CLN3: variants seen among roughly 807,000 people sequenced by gnomAD.
CLN3 encodes the protein battenin.
In CLN3, 49 loss-of-function variants were observed where a neutral mutation model predicts 60.7. That is an observed-to-expected ratio of 0.81 (90% CI 0.64 to 1.02). The LOEUF (loss-of-function observed/expected upper bound fraction) is 1.02. Ranked by LOEUF, CLN3 falls within the 50% of genes least tolerant of loss-of-function variation. The pLI is 0.00. For missense variants in CLN3, 516 were observed against 557.4 expected, an observed-to-expected ratio of 0.93 and a Z score of 0.75; for synonymous variants, 256 against 245.8, an observed-to-expected ratio of 1.04 and a Z score of -0.39.
Position 28,482,654 on chromosome 16 carries a change from G to A in CLN3, c.809C>T (p.Ser270Phe). The A allele has an allele frequency of 6.2e-7, 1 of 1,614,212 alleles. No homozygotes were observed. Among genetic ancestry groups the A allele is most frequent in the African/African-American group, 1.3e-5 (1 of 75,058 alleles). Reference sequence around the variant, plus strand: ...GAACACTGTCCACCTTTCCCGAAGGGAGAGGCTGGAGCTGGAGCCTGCAGG... The same window carrying A: ...GAACACTGTCCACCTTTCCCGAAGGAAGAGGCTGGAGCTGGAGCCTGCAGG... Reference protein sequence around the residue: ...ESKPGSSSSLSLRERWTVFKG... With the variant: ...ESKPGSSSSLFLRERWTVFKG... Residue 270 changes from serine to phenylalanine, a missense_variant, in exon 11 of 16, where the codon TCC becomes TTC. Transcript: ENST00000636147.
In CLN3 at chr16:28,482,136, A is replaced by T. The variant is rs746211816; in HGVS notation, c.1025T>A (p.Ile342Asn). The T allele has an allele frequency of 6.2e-7, 1 of 1,613,690 alleles. No individual in the cohort carries two copies. The highest frequency in any genetic ancestry group is 1.1e-5 in the South Asian group (1 of 90,958). The change falls in exon 14 of 16, where the codon ATC (isoleucine) becomes AAC (asparagine). Residue 342 changes from isoleucine (I) to asparagine (N), a missense_variant. Transcript: ENST00000636147. Reference protein sequence around the residue: ...ASRSSLRCCRIRFTWALALLQ... With the variant: ...ASRSSLRCCRNRFTWALALLQ... Reference sequence around the variant, plus strand: ...CAGGGCCAGGGCCCAGGTGAAACGGATGCGACAGCAGCGGAGAGAAGAGCG... The same window carrying T: ...CAGGGCCAGGGCCCAGGTGAAACGGTTGCGACAGCAGCGGAGAGAAGAGCG...
rs1320579074 is a variant in CLN3, at chr16:28,492,020, C to CT, written c.-78dup. On this transcript the variant is annotated splice_region_variant and 5_prime_UTR_variant, in exon 1 of 16. Coordinates refer to ENST00000636147, the MANE Select transcript of CLN3 (RefSeq NM_001042432.2). ...ACAGCAGGGACCCTGAGGCCTGTAC[C>CT]TTTAAGAGCAGCAGAATGTTCTGCA... 1.0e-5 allele frequency: 6 copies of CT among 593,738 alleles called. No homozygotes were observed. The highest frequency in any genetic ancestry group is 1.8e-5 in the Non-Finnish European group (6 of 333,124). The allele number at this position is 593,738 out of a possible 1,614,324, so 36.8% of individuals were successfully genotyped here. A position where few individuals can be genotyped will look rare whatever the true frequency, so the allele number is the denominator to read the frequency against.
Position 28,477,767 on chromosome 16 carries a change from G to A in CLN3, c.1167C>T (p.Tyr389=), listed in dbSNP as rs371025471. The stretch of plus-strand genomic sequence containing the variant: ...GGGCGATGTTGTGGAAGGTGTTCAC[G>A]TAGGCTGCGCCTCCCAGGAGCCCCT... ...LYEGLLGGAA[Y]VNTFHNIALE... The change falls in exon 15 of 16, where the codon TAC becomes TAT. Residue 389 remains tyrosine (Y), a synonymous_variant. Coordinates refer to ENST00000636147, the MANE Select transcript of CLN3 (RefSeq NM_001042432.2). 1.6e-5 allele frequency: 26 copies of A among 1,614,050 alleles called. No individual in the cohort carries two copies. The highest frequency in any genetic ancestry group is 4.5e-5 in the East Asian group (2 of 44,892).
intron 9 of CLN3, among the ~76,000 whole-genome samples, chr16:28,485,798 G>A (rs960811179): frequency 2.6e-5 from 4 of 151,428 alleles, no homozygotes; most frequent in African/African-American, 9.7e-5. Context: ...CACCTCCAAG[G>A]AAAGCAAGAA....
chr16:28,473,597 A>G (rs891489765), downstream of CLN3, among the ~76,000 whole-genome samples: 2 of 152,230 alleles, frequency 1.3e-5, no homozygotes, highest in African/African-American at 4.8e-5. Context: ...CTTCATCAAA[A>G]TAAGTGTCTT....
rs1220778144 is a variant in CLN3 at position 28,477,555 on chromosome 16, C to T, written c.1278G>A (p.Leu426=). The change falls in exon 16 of 16, where the codon CTG becomes CTA. Residue 426 remains leucine, a synonymous_variant. Coordinates refer to ENST00000636147, the MANE Select transcript of CLN3 (RefSeq NM_001042432.2). The part of the protein sequence containing the change: ...DTLGISLSGL[L]ALPLHDFLCQ... ...AGAGGAAGTCATGCAGAGGCAAAGCCAGGAGCCCCGACAGGGAGATCCCCA... is the reference window on the plus strand; with the variant it reads ...AGAGGAAGTCATGCAGAGGCAAAGCTAGGAGCCCCGACAGGGAGATCCCCA... The T allele has an allele frequency of 7.4e-6, 12 of 1,613,996 alleles. No individual in the cohort carries two copies. The highest frequency in any genetic ancestry group is 1.0e-5 in the Non-Finnish European group (12 of 1,180,026).
At chr16:28,490,703 T>A (rs145096864) in intron 3 of CLN3, among the ~76,000 whole-genome samples, 3,729 of 137,152 alleles carry the variant, frequency 0.027, 163 homozygotes, top group African/African-American at 0.098. Flanking sequence ...GAGTTTGCAG[T>A]GAGCCGAGAT....
rs11552531 is a variant in CLN3 at position 28,487,723 on chromosome 16, T to C, written c.313A>G (p.Ile105Val). 5,062 of 1,613,650 alleles carry C rather than the reference T, an allele frequency of 3.1e-3. 148 individuals are homozygous for C. The East Asian group carries it at 0.051, about 16-fold the overall frequency. ...AATTTGATGACGAGTGTGGGGAGGA[T>C]GTCCGCCAGGAGCACAGCCTGGGAC... is the stretch of plus-strand genomic sequence containing the variant. ...VSTAAVLLAD[I>V]LPTLVIKLLA... The change falls in exon 6 of 16, where the codon ATC becomes GTC. Residue 105 changes from isoleucine to valine, a missense_variant. Physicochemically the swap from Ile to Val is conservative, Grantham distance 29. Coordinates refer to ENST00000636147, the MANE Select transcript of CLN3 (RefSeq NM_001042432.2).
chr16:28,477,747 A>T lies in CLN3; in HGVS notation c.1187T>A (p.Ile396Asn). The T allele has an allele frequency of 6.2e-7, 1 of 1,614,068 alleles. No homozygotes were observed. The highest frequency in any genetic ancestry group is 8.5e-7 in the Non-Finnish European group (1 of 1,180,000). The change falls in exon 15 of 16, where the codon ATC becomes AAC. Residue 396 changes from isoleucine to asparagine, a missense_variant. Transcript: ENST00000636147. ...GAAYVNTFHNIALETSDEHRE... is the reference protein window; with the variant it reads ...GAAYVNTFHNNALETSDEHRE... Reference sequence around the variant, plus strand: ...CCGGCCAATGCTGACCTCCAGGGCGATGTTGTGGAAGGTGTTCACGTAGGC... The same window carrying T: ...CCGGCCAATGCTGACCTCCAGGGCGTTGTTGTGGAAGGTGTTCACGTAGGC...
chr16:28,476,125 G>A (rs187089573), downstream of CLN3: 4 of 152,150 alleles, frequency 2.6e-5, no homozygotes, highest in Non-Finnish European at 5.9e-5. Flanking sequence ...GACCTCAGGT[G>A]ATCTGCCCGC....
chr16:28,468,858 C>CA, the CLN3 span, among the ~76,000 whole-genome samples: 1 of 89,434 alleles, frequency 1.1e-5, no homozygotes, highest in Non-Finnish European at 2.5e-5. Flanking sequence ...ATGAAAATGG[C>CA]ATGAATAGTG....
intron 14 of CLN3, among the ~76,000 whole-genome samples, chr16:28,481,676 TC>T (rs1336454614): frequency 6.6e-6 from 1 of 152,040 alleles, no homozygotes; most frequent in East Asian, 1.9e-4. Context: ...TACATGGAGC[TC>T]TGCTGGACTT....
chr16:28,490,651 T>C (rs1344659487), intron 3 of CLN3, among the ~76,000 whole-genome samples: 1 of 147,744 alleles, frequency 6.8e-6, no homozygotes, highest in African/African-American at 2.5e-5. Context: ...TCTCAGCTAC[T>C]CCGGAGGCTG....
At chr16:28,474,311 T>G (rs2045974636), downstream of CLN3, 1 of 152,216 alleles carries the variant, frequency 6.6e-6, no homozygotes, top group Non-Finnish European at 1.5e-5. Flanking sequence ...CAAAAAAGAA[T>G]TAGCCAGGTG....
chr16:28,477,189 C>T (rs1351355487), downstream of CLN3: 1 of 365,490 alleles, frequency 2.7e-6, no homozygotes, highest in Admixed American at 4.1e-5. Context: ...TGCTGACATA[C>T]CTTCTTTATG....
intron 4 of CLN3, 102 bp from the exon 5 acceptor site, chr16:28,488,764 G>T: frequency 8.7e-7 from 1 of 1,148,152 alleles, no homozygotes; most frequent in Non-Finnish European, 1.3e-6. Context: ...GATGGCTTTG[G>T]GTCAGCAGTG....
At chr16:28,488,484 A>G (rs2046259040) in intron 5 of CLN3, 107 bp downstream of exon 5, 1 of 1,013,878 alleles carries the variant, frequency 9.9e-7, no homozygotes, top group Non-Finnish European at 1.5e-6. Flanking sequence ...CCAGGTCTCA[A>G]CTGTTTTAAT....
chr16:28,472,189 G>A (rs1243692258), downstream of CLN3, among the ~76,000 whole-genome samples: 1 of 152,218 alleles, frequency 6.6e-6, no homozygotes, highest in Non-Finnish European at 1.5e-5. Context: ...AAGGTGGGCA[G>A]ATCATTTGAG....
downstream of CLN3, chr16:28,475,236 C>G (rs1029324371): frequency 6.6e-6 from 1 of 152,288 alleles, no homozygotes; most frequent in Non-Finnish European, 1.5e-5. Context: ...GGTGACAGGG[C>G]AAGACTCTTG....
Sources: gnomAD v4.1 joint callset for allele counts (sites outside exome capture counted in the v4.1 genomes callset) on GRCh38, gnomAD v4.1.1 for gene constraint, MANE v1.5 for transcripts, NCBI Gene and HGNC (gene_info 2026-07-23, HGNC 2026-07-21) for gene names.